Variants in ARMC2 observed in about 807,000 individuals in gnomAD.
ARMC2 encodes armadillo repeat containing 2, also known as armadillo repeat-containing protein 2.
ARMC2 carries 67 observed loss-of-function variants against 90.3 expected under a neutral mutation model. That is an observed-to-expected ratio of 0.74 (90% CI 0.61 to 0.91). ARMC2 has a LOEUF of 0.91. Ranked by LOEUF, ARMC2 falls within the 40% of genes least tolerant of loss-of-function variation. The probability of loss-of-function intolerance (pLI) is 0.00; values close to 1 mark genes in which losing one functional copy is unlikely to be tolerated. For synonymous variants in ARMC2, 393 were observed against 393.0 expected, an observed-to-expected ratio of 1.00 and a Z score of 0.00; for missense variants, 920 against 1,030.9, an observed-to-expected ratio of 0.89 and a Z score of 1.47.
the ARMC2 span, among the ~76,000 whole-genome samples, chr6:108,980,506 AG>A: frequency 0.11 from 16,832 of 152,070 alleles, 1,026 homozygotes; most frequent in Middle Eastern, 0.19. Context: ...GCTCCTCCTC[AG>A]GAGTTCTCCT....
chr6:108,916,380 T>C (rs973996297), intron 10 of ARMC2, among the ~76,000 whole-genome samples: 1 of 152,232 alleles, frequency 6.6e-6, no homozygotes, highest in Non-Finnish European at 1.5e-5. Flanking sequence ...AACATTGCAT[T>C]CAGTTCTGCA....
chr6:108,893,004 G>T (rs1771242918), intron 5 of ARMC2, among the ~76,000 whole-genome samples: 1 of 152,304 alleles, frequency 6.6e-6, no homozygotes, highest in East Asian at 1.9e-4. Flanking sequence ...TGGACAAAAA[G>T]AAATTTTGAT....
chr6:108,952,505 A>T (rs896000887), intron 12 of ARMC2, among the ~76,000 whole-genome samples: 2 of 152,186 alleles, frequency 1.3e-5, no homozygotes, highest in East Asian at 3.9e-4. Flanking sequence ...AGGTGTTGTC[A>T]TCTAGTGCGT....
At chr6:108,888,867 A>G (rs1770652285) in intron 5 of ARMC2, among the ~76,000 whole-genome samples, 1 of 152,106 alleles carries the variant, frequency 6.6e-6, no homozygotes, top group Non-Finnish European at 1.5e-5. Flanking sequence ...CTTCTCTCCA[A>G]GTCTCCTAAA....
chr6:108,892,800 A>C (rs972018011), intron 5 of ARMC2, among the ~76,000 whole-genome samples: 16 of 151,830 alleles, frequency 1.1e-4, no homozygotes, highest in Admixed American at 1.3e-4. Flanking sequence ...ATGTTAATGA[A>C]GTAAAAAATG....
chr6:109,023,491 G>A, the ARMC2 span, among the ~76,000 whole-genome samples: 7 of 152,278 alleles, frequency 4.6e-5, no homozygotes, highest in East Asian at 1.3e-3. Flanking sequence ...TAGTGGATGT[G>A]CCTATGTTGT....
At chr6:109,000,675 T>A in the ARMC2 span, 1 of 1,548,406 alleles carries the variant, frequency 6.5e-7, no homozygotes, top group Admixed American at 1.9e-5. Context: ...TGCCGCAGCC[T>A]TAAAACAAAA....
chr6:108,971,939 G>T (rs928754860), intron 17 of ARMC2, among the ~76,000 whole-genome samples: 1 of 149,214 alleles, frequency 6.7e-6, no homozygotes, highest in African/African-American at 2.5e-5. Context: ...AAAAAAAAAA[G>T]TGTTGGCAAT....
At chr6:108,989,594 TAGAGAG>T in the ARMC2 span, among the ~76,000 whole-genome samples, 18 of 143,154 alleles carry the variant, frequency 1.3e-4, no homozygotes, top group Non-Finnish European at 2.3e-4. Flanking sequence ...TAGAGAGAGA[TAGAGAG>T]AGATAGATAT....
At chr6:109,019,581 TAA>T in the ARMC2 span, among the ~76,000 whole-genome samples, 1 of 152,262 alleles carries the variant, frequency 6.6e-6, no homozygotes, top group Non-Finnish European at 1.5e-5. Context: ...AAAACATAAA[TAA>T]AGTCACTCTT....
the ARMC2 span, among the ~76,000 whole-genome samples, chr6:109,044,875 T>C: frequency 2.4e-3 from 361 of 152,058 alleles, 1 homozygote; most frequent in African/African-American, 8.3e-3. Context: ...AATACAAAAT[T>C]AGCTGAGCGT....
intron 8 of ARMC2, among the ~76,000 whole-genome samples, chr6:108,910,137 T>C (rs940979589): frequency 1.3e-5 from 2 of 152,280 alleles, no homozygotes; most frequent in East Asian, 1.9e-4. Flanking sequence ...CTTCCTCATA[T>C]ACTCCTTTAA....
rs550981848 is a variant in ARMC2 at position 108,944,767 on chromosome 6, G to A, written c.1596+7768G>A. Among the ~76,000 whole-genome samples the A allele has an allele frequency of 6.7e-4, 102 of 152,098 alleles. 1 individual carries two copies. The highest frequency in any genetic ancestry group is 1.3e-3 in the Non-Finnish European group (91 of 68,022). Reference sequence around the variant, plus strand: ...TGTTTGCATAATGGCCCTCAGTGAAGTGGGCCTCCGTTTCCATCTGTATGT... The same window carrying A: ...TGTTTGCATAATGGCCCTCAGTGAAATGGGCCTCCGTTTCCATCTGTATGT... On this transcript the variant is annotated intron_variant, in intron 12 of 17. Coordinates refer to ENST00000392644, the MANE Select transcript of ARMC2 (RefSeq NM_032131.6).
chr6:108,961,772 G>C, intron 14 of ARMC2, 78 bp downstream of exon 14: 1 of 1,443,574 alleles, frequency 6.9e-7, no homozygotes, highest in South Asian at 1.4e-5. Flanking sequence ...CAGAGCAGGA[G>C]ACATTACTAT....
At chr6:109,003,085 A>G in the ARMC2 span, among the ~76,000 whole-genome samples, 1 of 152,170 alleles carries the variant, frequency 6.6e-6, no homozygotes, top group Non-Finnish European at 1.5e-5. Flanking sequence ...CAAGAACTGA[A>G]AATCTGTTAG....
chr6:109,045,750 T>C, the ARMC2 span, among the ~76,000 whole-genome samples: 4,814 of 152,274 alleles, frequency 0.032, 251 homozygotes, highest in African/African-American at 0.11. Context: ...TGGCACTTAC[T>C]AGTATATACC....
At chr6:108,894,401 T>C (rs2128457221) in intron 5 of ARMC2, 66 bp from the exon 6 acceptor site, 7 of 1,380,138 alleles carry the variant, frequency 5.1e-6, no homozygotes, top group Non-Finnish European at 7.0e-6. Context: ...TATAGCAGAC[T>C]CTTGTCATTT....
At chr6:108,982,960 G>T in the ARMC2 span, among the ~76,000 whole-genome samples, 1 of 151,610 alleles carries the variant, frequency 6.6e-6, no homozygotes, top group African/African-American at 2.4e-5. Context: ...AATCCCAGTG[G>T]GTTACCGGTG....
At chr6:108,965,371 C>CTTTTTTTTT (rs35328272) in intron 17 of ARMC2, among the ~76,000 whole-genome samples, 2 of 126,744 alleles carry the variant, frequency 1.6e-5, no homozygotes, top group Non-Finnish European at 1.6e-5. Context: ...TCTTCTATGG[C>CTTTTTTTTT]TTTTTTTTTT....
Sources: allele counts gnomAD v4.1 joint callset (sites outside exome capture counted in the v4.1 genomes callset), GRCh38; gene constraint gnomAD v4.1.1; transcripts MANE v1.5; gene names NCBI Gene and HGNC (gene_info 2026-07-23, HGNC 2026-07-21).